The following XDH variants were observed in gnomAD, a reference collection of about 807,000 sequenced individuals.
XDH encodes the protein xanthine dehydrogenase.
A neutral mutation model predicts 156.1 loss-of-function variants in XDH; 138 were observed. That is an observed-to-expected ratio of 0.88 (90% confidence interval 0.77 to 1.02). The LOEUF is 1.02. Ranked by LOEUF, XDH falls within the 50% of genes least tolerant of loss-of-function variation. The pLI, the probability that XDH is intolerant of heterozygous loss-of-function variation, is 0.00. For missense variants in XDH, 1,849 were observed against 1,684.9 expected (o/e 1.10, Z -1.71); for synonymous variants, 669 against 625.7 (o/e 1.07, Z -1.03).
At chr2:31,377,920 G>A (rs1421950731) in intron 13 of XDH, among the ~76,000 whole-genome samples, 3 of 151,332 alleles carry the variant, frequency 2.0e-5, no homozygotes, top group Non-Finnish European at 4.4e-5. Flanking sequence ...ACTTGGGAGG[G>A]TGAAGTGAGA....
chr2:31,384,132 G>GTGTGTGTGTA (rs986546938), intron 9 of XDH: 5 of 386,690 alleles, frequency 1.3e-5, no homozygotes, highest in African/African-American at 1.0e-4. Flanking sequence ...GTGTGTGTGT[G>GTGTGTGTGTA]TGTGTGTGTG....
intron 18 of XDH, 21 bp downstream of exon 18, chr2:31,370,334 A>C (rs1438952853): frequency 6.2e-7 from 1 of 1,613,748 alleles, no homozygotes. Flanking sequence ...TTTACTTCAT[A>C]TAAAAAAATC....
intron 9 of XDH, chr2:31,384,156 T>TGTG (rs1572552142): frequency 6.6e-4 from 41 of 62,266 alleles, no homozygotes; most frequent in South Asian, 1.6e-3. Context: ...GTGTGTGTGT[T>TGTG]TGTGTACATT....
At chr2:31,375,171 C>A (rs996006103) in intron 15 of XDH, among the ~76,000 whole-genome samples, 20 of 151,788 alleles carry the variant, frequency 1.3e-4, no homozygotes, top group Non-Finnish European at 1.5e-5. Flanking sequence ...GATTACAGGG[C>A]AAGAACCTCT....
chr2:31,388,721 C>T (rs1233474440), intron 6 of XDH, among the ~76,000 whole-genome samples: 12 of 152,150 alleles, frequency 7.9e-5, no homozygotes, highest in Non-Finnish European at 2.9e-5. Context: ...CTGGTGTCTC[C>T]CAGGCTGGGC....
intron 6 of XDH, among the ~76,000 whole-genome samples, chr2:31,389,285 T>C (rs986090248): frequency 1.2e-4 from 19 of 152,290 alleles, no homozygotes; most frequent in African/African-American, 4.6e-4. Context: ...AGGTGTGACC[T>C]TGGAGAAGTT....
rs1685907020 is a variant in XDH, at chr2:31,366,057, A to T, written c.2375T>A (p.Val792Glu). 6.2e-7 allele frequency: 1 copy of T among 1,613,968 alleles called. No homozygotes were observed. ...GVPANRIVVR[V>E]KRMGGGFGGK... Reference sequence around the variant, plus strand: ...TCCAAAGCCTCCTCCCATTCTCTTCACTCGAACCACAATCCGGTTTGCTGG... The same window carrying T: ...TCCAAAGCCTCCTCCCATTCTCTTCTCTCGAACCACAATCCGGTTTGCTGG... Residue 792 changes from valine (V) to glutamate (E), a missense_variant, in exon 22 of 36, where the codon GTG becomes GAG. Coordinates refer to ENST00000379416, the MANE Select transcript of XDH (RefSeq NM_000379.4).
At chr2:31,378,309 T>C (rs189518772) in intron 13 of XDH, among the ~76,000 whole-genome samples, 1 of 152,052 alleles carries the variant, frequency 6.6e-6, no homozygotes, top group African/African-American at 2.4e-5. Flanking sequence ...TCTTTAAGGA[T>C]AGGAGGAGAG....
intron 2 of XDH, among the ~76,000 whole-genome samples, chr2:31,404,547 A>G (rs765033434): frequency 6.6e-6 from 1 of 152,240 alleles, no homozygotes; most frequent in East Asian, 1.9e-4. Flanking sequence ...ATTGCTGATA[A>G]GGAATTTCTG....
chr2:31,388,013 G>T, intron 7 of XDH, 116 bp from the exon 8 acceptor site: 1 of 1,253,766 alleles, frequency 8.0e-7, no homozygotes. Flanking sequence ...CAGGCTGCAA[G>T]AGGAGCAGGT....
chr2:31,380,441 A>G (rs995435902), intron 12 of XDH, among the ~76,000 whole-genome samples: 3 of 152,212 alleles, frequency 2.0e-5, no homozygotes, highest in African/African-American at 7.2e-5. Flanking sequence ...TGTACAATCA[A>G]TAGTTTATGC....
intron 30 of XDH, 142 bp from the exon 31 acceptor site, chr2:31,344,878 A>C: frequency 8.8e-6 from 7 of 798,008 alleles, no homozygotes; most frequent in Non-Finnish European, 1.5e-5. Flanking sequence ...ACCTTACCTT[A>C]CATTGTCACT....
Position 31,366,097 on chromosome 2 carries a change from T to G in XDH, c.2335A>C (p.Lys779Gln). The G allele has an allele frequency of 6.2e-7, 1 of 1,614,182 alleles. No homozygotes were observed. Among genetic ancestry groups the G allele is most frequent in the Middle Eastern group, 1.6e-4 (1 of 6,062 alleles). ...CGGTTTGCTGGAACCCCCAACATTT[T>G]TGCAACAAAGCTCTGTGAGTGAAAG... ...NTMKTQSFVA[K>Q]MLGVPANRIV... Residue 779 changes from lysine to glutamine, a missense_variant, in exon 22 of 36, where the codon AAA becomes CAA. Transcript: ENST00000379416.
chr2:31,365,624 CG>C (rs1440126588), intron 22 of XDH, 80 bp from the exon 23 acceptor site: 1 of 1,545,796 alleles, frequency 6.5e-7, no homozygotes, highest in East Asian at 2.2e-5. Context: ...TAAAAACAGC[CG>C]GGAAGCCATC....
intron 26 of XDH, among the ~76,000 whole-genome samples, chr2:31,349,437 C>G (rs1280896789): frequency 1.3e-5 from 2 of 152,046 alleles, no homozygotes; most frequent in Non-Finnish European, 1.5e-5. Flanking sequence ...ACGGTGTGCC[C>G]AAAGGTTTAC....
intron 6 of XDH, among the ~76,000 whole-genome samples, chr2:31,389,202 G>A (rs1686695826): frequency 6.6e-6 from 1 of 152,258 alleles, no homozygotes; most frequent in African/African-American, 2.4e-5. Flanking sequence ...GAGACACCAT[G>A]CCATGCTGGC....
chr2:31,374,948 T>C (rs534377422), intron 15 of XDH, among the ~76,000 whole-genome samples: 4 of 152,126 alleles, frequency 2.6e-5, no homozygotes, highest in African/African-American at 9.6e-5. Context: ...GACATTCCCA[T>C]TCCACCCTAC....
intron 17 of XDH, among the ~76,000 whole-genome samples, chr2:31,371,255 T>C (rs1012390923): frequency 1.3e-5 from 2 of 152,248 alleles, no homozygotes; most frequent in Admixed American, 1.3e-4. Context: ...TAAACTGCCC[T>C]GAAGTTCTAA....
At chr2:31,398,772 G>A (rs1686982541) in intron 4 of XDH, 73 bp from the exon 5 acceptor site, 1 of 1,602,872 alleles carries the variant, frequency 6.2e-7, no homozygotes, top group Admixed American at 1.7e-5. Flanking sequence ...CTCGACTGGA[G>A]CCAGCACATG....
Sources: gnomAD v4.1 joint callset for allele counts (sites outside exome capture counted in the v4.1 genomes callset) on GRCh38, gnomAD v4.1.1 for gene constraint, MANE v1.5 for transcripts, NCBI Gene and HGNC (gene_info 2026-07-23, HGNC 2026-07-21) for gene names.